GADL1: variants seen among roughly 807,000 people sequenced by gnomAD.
The protein encoded by GADL1 is acidic amino acid decarboxylase GADL1.
Under a neutral mutation model 69.5 loss-of-function variants are expected in GADL1, and 71 were observed. The observed-to-expected ratio is 1.02, with a 90% confidence interval of 0.84 to 1.25. GADL1 has a LOEUF of 1.25. Ranked by LOEUF, GADL1 falls within the 50% of genes most tolerant of loss-of-function variation. The pLI is 0.00. For synonymous variants in GADL1, 254 were observed against 214.4 expected (o/e 1.18, Z -1.62); for missense variants, 737 against 631.8 (o/e 1.17, Z -1.79).
chr3:30,801,009 G>C lies in GADL1; in HGVS notation c.1130C>G (p.Thr377Arg), dbSNP rs867247230. ...QDKFYDVSYD[T>R]GDKSIQCSRR... ...GCTACACTGGATAGACTTGTCTCCTGTGTCATAGCTCACATCATAGAATTT... is the reference window on the plus strand; with the variant it reads ...GCTACACTGGATAGACTTGTCTCCTCTGTCATAGCTCACATCATAGAATTT... Residue 377 changes from threonine to arginine, a missense_variant, in exon 12 of 15, where the codon ACA becomes AGA. Coordinates refer to ENST00000282538, the MANE Select transcript of GADL1 (RefSeq NM_207359.3). 1 of 1,613,982 alleles carries C rather than the reference G, an allele frequency of 6.2e-7. No homozygotes were observed. The highest frequency in any genetic ancestry group is 8.5e-7 in the Non-Finnish European group (1 of 1,179,910).
intron 12 of GADL1, among the ~76,000 whole-genome samples, chr3:30,789,471 T>C (rs1160116768): frequency 6.6e-6 from 1 of 152,184 alleles, no homozygotes; most frequent in Non-Finnish European, 1.5e-5. Flanking sequence ...GAATGGTAAA[T>C]GAGCATTGAC....
At chr3:30,872,704 T>C (rs1698509967) in intron 1 of GADL1, among the ~76,000 whole-genome samples, 2 of 151,946 alleles carry the variant, frequency 1.3e-5, no homozygotes, top group Non-Finnish European at 2.9e-5. Flanking sequence ...TCCTGTCTTA[T>C]TTAAGACCTA....
intron 14 of GADL1, among the ~76,000 whole-genome samples, chr3:30,740,661 C>T (rs1187990792): frequency 6.6e-6 from 1 of 151,922 alleles, no homozygotes; most frequent in Non-Finnish European, 1.5e-5. Flanking sequence ...TCTTACTCTC[C>T]CATATATGCC....
chr3:30,841,090 C>A (rs1305386437), intron 8 of GADL1, among the ~76,000 whole-genome samples: 2 of 152,154 alleles, frequency 1.3e-5, no homozygotes, highest in Non-Finnish European at 2.9e-5. Context: ...GTTGATGGTA[C>A]TATTCCTCAT....
At chr3:30,834,593 C>A (rs1044300496) in intron 9 of GADL1, among the ~76,000 whole-genome samples, 4 of 152,038 alleles carry the variant, frequency 2.6e-5, no homozygotes, top group African/African-American at 9.7e-5. Flanking sequence ...AGCTTAGACT[C>A]TAACATAGAC....
chr3:30,833,709 A>T (rs1052704078), intron 11 of GADL1, 144 bp downstream of exon 11: 5 of 628,028 alleles, frequency 8.0e-6, no homozygotes, highest in Non-Finnish European at 1.5e-5. Flanking sequence ...TTTGTCTTTC[A>T]TGTAGAGACC....
intron 6 of GADL1, among the ~76,000 whole-genome samples, chr3:30,849,023 C>T (rs765533248): frequency 3.9e-5 from 6 of 152,106 alleles, no homozygotes; most frequent in Non-Finnish European, 1.5e-5. Flanking sequence ...GCAGAAGTAA[C>T]AATGGCCAGT....
At chr3:30,849,667 T>G (rs987948442) in intron 6 of GADL1, among the ~76,000 whole-genome samples, 1 of 152,120 alleles carries the variant, frequency 6.6e-6, no homozygotes, top group African/African-American at 2.4e-5. Flanking sequence ...GTAGAAGACA[T>G]AGCTGAGATC....
chr3:30,818,055 A>G (rs1697505162), intron 11 of GADL1, among the ~76,000 whole-genome samples: 1 of 152,186 alleles, frequency 6.6e-6, no homozygotes, highest in Non-Finnish European at 1.5e-5. Context: ...TTCATTGTAG[A>G]CACAATTTAG....
At chr3:30,778,152 G>C in intron 14 of GADL1, 27 bp downstream of exon 14, 1 of 1,329,384 alleles carries the variant, frequency 7.5e-7, no homozygotes, top group Non-Finnish European at 1.1e-6. Flanking sequence ...TCATCAAAAA[G>C]AAAAATACCA....
intron 8 of GADL1, among the ~76,000 whole-genome samples, chr3:30,840,950 G>T (rs980114768): frequency 1.3e-5 from 2 of 152,204 alleles, no homozygotes; most frequent in African/African-American, 4.8e-5. Flanking sequence ...GAGCTTGTCA[G>T]TAAGCCCTTT....
At chr3:30,869,914 A>G (rs1306715571) in intron 1 of GADL1, among the ~76,000 whole-genome samples, 1 of 151,882 alleles carries the variant, frequency 6.6e-6, no homozygotes, top group Non-Finnish European at 1.5e-5. Context: ...CAAAAGGCAT[A>G]AAGTTTGATA....
At chr3:30,881,248 C>G (rs573842427) in intron 1 of GADL1, among the ~76,000 whole-genome samples, 52 of 152,022 alleles carry the variant, frequency 3.4e-4, no homozygotes, top group African/African-American at 1.2e-3. Flanking sequence ...TGTATGCAAG[C>G]TTCCTATCTG....
rs4016178 is a variant in GADL1 at position 30,871,042 on chromosome 3, AGTGTGTGTGT to A, written c.38-9287_38-9278del. On this transcript the variant is annotated intron_variant, in intron 1 of 14. Coordinates refer to ENST00000282538, the MANE Select transcript of GADL1 (RefSeq NM_207359.3). ...AAAGCAACATGGACTAAGGCAGAAA[AGTGTGTGTGT>A]GTGTGTGTGTGTGTGTGTGTGTGTG... Among the ~76,000 whole-genome samples, 347 of 141,472 alleles carry A rather than the reference AGTGTGTGTGT, an allele frequency of 2.5e-3. 7 individuals carry two copies. The highest frequency in any genetic ancestry group is 7.8e-3 in the African/African-American group (297 of 37,904). The allele number at this position is 141,472 out of a possible 152,430, so 92.8% of individuals were successfully genotyped here.
intron 14 of GADL1, among the ~76,000 whole-genome samples, chr3:30,766,460 C>T (rs878955006): frequency 6.6e-6 from 1 of 152,186 alleles, no homozygotes; most frequent in East Asian, 1.9e-4. Context: ...TCAGGCTCTG[C>T]AAATTATGTA....
At chr3:30,754,794 C>T (rs1695928887) in intron 14 of GADL1, among the ~76,000 whole-genome samples, 1 of 152,112 alleles carries the variant, frequency 6.6e-6, no homozygotes, top group African/African-American at 2.4e-5. Context: ...TGTAATTACC[C>T]AGCATGTTTT....
intron 14 of GADL1, among the ~76,000 whole-genome samples, chr3:30,765,353 T>C (rs1457899161): frequency 6.6e-6 from 1 of 152,190 alleles, no homozygotes; most frequent in Non-Finnish European, 1.5e-5. Flanking sequence ...TCTGTAAAAC[T>C]ACAGGTGGGA....
chr3:30,770,645 T>TCCTAA (rs745807162), intron 14 of GADL1, among the ~76,000 whole-genome samples: 1 of 152,128 alleles, frequency 6.6e-6, no homozygotes, highest in Non-Finnish European at 1.5e-5. Flanking sequence ...ACTGGTCTCA[T>TCCTAA]CCTAACCTCA....
At chr3:30,794,839 T>C (rs977621752) in intron 12 of GADL1, among the ~76,000 whole-genome samples, 8 of 152,178 alleles carry the variant, frequency 5.3e-5, no homozygotes, top group Non-Finnish European at 8.8e-5. Flanking sequence ...CAAAATCTCA[T>C]CCTTAAATCT....
Sources: gnomAD v4.1 joint callset for allele counts (sites outside exome capture counted in the v4.1 genomes callset) on GRCh38, gnomAD v4.1.1 for gene constraint, MANE v1.5 for transcripts, NCBI Gene and HGNC (gene_info 2026-07-23, HGNC 2026-07-21) for gene names.